The following TMEM45A variants were observed in gnomAD, a reference collection of about 807,000 sequenced individuals.
The protein encoded by TMEM45A is transmembrane protein 45A, also known as DNA polymerase-transactivated protein 4.
In TMEM45A, 25 loss-of-function variants were observed where a neutral mutation model predicts 32.0. The observed-to-expected ratio is 0.78, with a 90% CI of 0.57 to 1.09. The LOEUF is 1.09. Among genes scored for constraint, TMEM45A ranks in the 50% least tolerant of loss-of-function variants. The pLI, the probability that TMEM45A is intolerant of heterozygous loss-of-function variation, is 0.00. For missense variants in TMEM45A, 302 were observed against 325.0 expected (o/e 0.93, Z 0.54); for synonymous variants, 122 against 114.8 (o/e 1.06, Z -0.40).
At chr3:100,537,568 C>T (rs187669191) in intron 1 of TMEM45A, among the ~76,000 whole-genome samples, 51 of 152,274 alleles carry the variant, frequency 3.3e-4, no homozygotes, top group African/African-American at 8.9e-4. Flanking sequence ...ACCCAAAATA[C>T]GCTCCAGTGT....
At chr3:100,497,714 A>G (rs1707949177) in intron 1 of TMEM45A, among the ~76,000 whole-genome samples, 1 of 152,150 alleles carries the variant, frequency 6.6e-6, no homozygotes, top group Non-Finnish European at 1.5e-5. Context: ...AGTATCATCC[A>G]TGTTGTGGTA....
At chr3:100,525,349 G>A (rs1480077951) in intron 1 of TMEM45A, among the ~76,000 whole-genome samples, 1 of 152,070 alleles carries the variant, frequency 6.6e-6, no homozygotes, top group Admixed American at 6.6e-5. Flanking sequence ...TTTTAAAAAT[G>A]TGGCTACTGA....
rs1559649519 is a variant in TMEM45A, at chr3:100,555,190, T to C, written c.-3-19T>C. ...GCAATGAAATGTCTTTTACTTTCTG[T>C]GTGTTCTTATATTTGTAGATCATGG... On this transcript the variant is annotated intron_variant, in intron 1 of 5. Transcript: ENST00000323523. 7 of 1,575,378 alleles carry C rather than the reference T, an allele frequency of 4.4e-6. No individual in the cohort carries two copies. Among genetic ancestry groups the C allele is most frequent in the Non-Finnish European group, 6.0e-6 (7 of 1,161,400 alleles).
At chr3:100,532,722 T>G (rs1013347477) in intron 1 of TMEM45A, among the ~76,000 whole-genome samples, 4 of 152,068 alleles carry the variant, frequency 2.6e-5, no homozygotes, top group African/African-American at 9.7e-5. Context: ...AAGATGGGAG[T>G]TTAGAGATTG....
chr3:100,522,398 GCC>G (rs1559639369), intron 1 of TMEM45A, among the ~76,000 whole-genome samples: 3 of 152,126 alleles, frequency 2.0e-5, no homozygotes. Flanking sequence ...ATGGTGCAAG[GCC>G]CCAGTGTTCC....
Position 100,555,317 on chromosome 3 carries a change from C to G in TMEM45A, c.106C>G (p.Arg36Gly), listed in dbSNP as rs201699180. The change falls in exon 2 of 6, where the codon CGA becomes GGA. Residue 36 changes from arginine (R) to glycine (G), a missense_variant. Physicochemically the swap from Arg to Gly is moderately radical, Grantham distance 125. Coordinates refer to ENST00000323523, the MANE Select transcript of TMEM45A (RefSeq NM_018004.3). ...ILKYICKKQK[R>G]TCYLGSKTLF... ...GAAGTATATCTGCAAAAAGCAAAAG[C>G]GAACCTGCTATCTTGGTTCCAAAAC... 3.7e-6 allele frequency: 6 copies of G among 1,613,798 alleles called. No homozygotes were observed. The South Asian group carries it at 6.6e-5, about 18-fold the overall frequency.
chr3:100,499,648 G>A (rs2148925161), intron 1 of TMEM45A, among the ~76,000 whole-genome samples: 2 of 152,262 alleles, frequency 1.3e-5, no homozygotes, highest in South Asian at 4.1e-4. Flanking sequence ...AGGCTGAGGT[G>A]GGTGGATCAC....
chr3:100,563,454 A>G (rs1355370572), intron 4 of TMEM45A, among the ~76,000 whole-genome samples: 1 of 152,256 alleles, frequency 6.6e-6, no homozygotes, highest in African/African-American at 2.4e-5. Flanking sequence ...GAGCTGAAGC[A>G]GATCACTTCC....
chr3:100,516,855 C>A (rs376275656), intron 1 of TMEM45A, among the ~76,000 whole-genome samples: 7 of 151,906 alleles, frequency 4.6e-5, no homozygotes, highest in East Asian at 1.9e-4. Flanking sequence ...GGAAAGAGGT[C>A]AACTGAGAGG....
At chr3:100,510,688 A>G (rs1158735993) in intron 1 of TMEM45A, among the ~76,000 whole-genome samples, 1 of 152,238 alleles carries the variant, frequency 6.6e-6, no homozygotes, top group Non-Finnish European at 1.5e-5. Context: ...CTACGGGAGG[A>G]CATTCAAACC....
At chr3:100,502,474 A>AT (rs987731842) in intron 1 of TMEM45A, among the ~76,000 whole-genome samples, 5 of 150,286 alleles carry the variant, frequency 3.3e-5, no homozygotes, top group South Asian at 2.1e-4. Flanking sequence ...CGATCTATCA[A>AT]TTTTTTTTTT....
intron 1 of TMEM45A, among the ~76,000 whole-genome samples, chr3:100,517,575 T>G (rs1224449047): frequency 6.6e-6 from 1 of 152,272 alleles, no homozygotes. Context: ...TCTTTCTCAC[T>G]GTCCCCATGC....
rs118032567 is a variant in TMEM45A, at chr3:100,537,957, T to C, written c.-3-17252T>C. On this transcript the variant is annotated intron_variant, in intron 1 of 5. Coordinates refer to ENST00000323523, the MANE Select transcript of TMEM45A (RefSeq NM_018004.3). ...TCGTCTGGGTTGGGAGCCAGTAGAG[T>C]AATACCGGGTTTGGGAGTCCTGCCT... Among the ~76,000 whole-genome samples the C allele has an allele frequency of 2.7e-3, 405 of 152,228 alleles. 10 individuals are homozygous for C. The East Asian group carries it at 0.072, about 27-fold the overall frequency.
intron 4 of TMEM45A, among the ~76,000 whole-genome samples, chr3:100,564,778 C>G (rs971957537): frequency 1.3e-5 from 2 of 152,210 alleles, no homozygotes; most frequent in African/African-American, 4.8e-5. Flanking sequence ...GCCACCACAC[C>G]TGGCCGCAAA....
intron 3 of TMEM45A, among the ~76,000 whole-genome samples, chr3:100,557,814 G>A (rs1706254072): frequency 6.6e-6 from 1 of 152,188 alleles, no homozygotes. Flanking sequence ...AAAAGATGAA[G>A]CTGGAATCTG....
intron 1 of TMEM45A, among the ~76,000 whole-genome samples, chr3:100,521,473 G>A (rs1404828751): frequency 6.6e-6 from 1 of 152,070 alleles, no homozygotes; most frequent in Non-Finnish European, 1.5e-5. Flanking sequence ...GGCTGGTCTC[G>A]AGTTCCCGAC....
At chr3:100,566,138 G>A (rs1706431507) in intron 4 of TMEM45A, among the ~76,000 whole-genome samples, 2 of 151,318 alleles carry the variant, frequency 1.3e-5, no homozygotes, top group Admixed American at 1.3e-4. Flanking sequence ...TCCCTTGTAT[G>A]AGTATACTGC....
rs1706265314 is a variant in TMEM45A, at chr3:100,558,425, A to T, written c.424A>T (p.Thr142Ser). The T allele has an allele frequency of 6.2e-7, 1 of 1,613,408 alleles. No homozygotes were observed. The highest frequency in any genetic ancestry group is 1.3e-5 in the African/African-American group (1 of 74,862). ...FVEAFIFYNH[T>S]HGREMLDIFV... ...ATCAGCCTTTATCTTCTACAACCAC[A>T]CTCATGGCCGGGAAATGCTGGACAT... Residue 142 changes from threonine to serine, a missense_variant, in exon 4 of 6, where the codon ACT (threonine) becomes TCT (serine). Transcript: ENST00000323523.
chr3:100,571,066 A>G (rs191185626), intron 5 of TMEM45A: 1 of 152,306 alleles, frequency 6.6e-6, no homozygotes, highest in Admixed American at 6.5e-5. Flanking sequence ...ATTATTGCAT[A>G]AAACTATCTT....
Sources: gnomAD v4.1 joint callset for allele counts (sites outside exome capture counted in the v4.1 genomes callset) on GRCh38, gnomAD v4.1.1 for gene constraint, MANE v1.5 for transcripts, NCBI Gene and HGNC (gene_info 2026-07-23, HGNC 2026-07-21) for gene names.